COL4A5: variants seen among roughly 807,000 people sequenced by gnomAD.
COL4A5 encodes the protein collagen alpha-5(IV) chain.
A neutral mutation model predicts 130.2 loss-of-function variants in COL4A5; 26 were observed. The ratio of observed to expected loss-of-function variants is 0.20; its 90% CI spans 0.15 to 0.28. The LOEUF is 0.28. Ranked by LOEUF, COL4A5 falls within the 10% of genes least tolerant of loss-of-function variation. COL4A5 has a pLI of 1.00. For missense variants in COL4A5, 1,131 were observed against 1,344.3 expected, an observed-to-expected ratio of 0.84 and a Z score of 2.48; for synonymous variants, 496 against 439.6, an observed-to-expected ratio of 1.13 and a Z score of -1.60.
Position 108,445,005 on chromosome X carries a change from G to A in COL4A5, c.81+4799G>A, listed in dbSNP as rs749228348. On this transcript the variant is annotated intron_variant, in intron 1 of 52. Coordinates refer to ENST00000328300, the MANE Select transcript of COL4A5 (RefSeq NM_033380.3). ...TTTCCTCATTGGCAAAAGGAAGGCC[G>A]TAGCACCTATCTCACATATTTTTTT... Among the ~76,000 whole-genome samples the A allele has an allele frequency of 4.0e-4, 45 of 111,414 alleles. 1 individual carries two copies. The South Asian group carries it at 0.016, about 41-fold the overall frequency.
rs777451585 is a variant in COL4A5, at chrX:108,440,226, C to T, written c.81+20C>T. The T allele has an allele frequency of 9.0e-7, 1 of 1,112,895 alleles. No homozygotes were observed. Among genetic ancestry groups the T allele is most frequent in the Admixed American group, 2.2e-5 (1 of 45,690 alleles). 91.7% of individuals were successfully genotyped at this position (1,112,895 alleles called of 1,213,427 possible). A position where few individuals can be genotyped will look rare whatever the true frequency, so the allele number is the denominator to read the frequency against. On this transcript the variant is annotated intron_variant, in intron 1 of 52. Coordinates refer to ENST00000328300, the MANE Select transcript of COL4A5 (RefSeq NM_033380.3). ...GCTGCGGTAAGTCCTTCCTCCCCTC[C>T]CCCGCGCCCATCACCGCTCTTTCAC...
chrX:108,492,636 C>T (rs181392989), intron 1 of COL4A5, among the ~76,000 whole-genome samples: 7 of 111,464 alleles, frequency 6.3e-5, no homozygotes, highest in Admixed American at 9.6e-5. Flanking sequence ...ATGGACAAAT[C>T]GAATATTGAG....
chrX:108,618,170 G>A (rs1283578985), intron 30 of COL4A5, among the ~76,000 whole-genome samples: 4 of 111,141 alleles, frequency 3.6e-5, no homozygotes, highest in Non-Finnish European at 5.7e-5. Flanking sequence ...AAATTTAGCG[G>A]AACTTTGGGA....
chrX:108,619,838 T>G (rs1407163993), intron 30 of COL4A5, among the ~76,000 whole-genome samples: 1 of 112,327 alleles, frequency 8.9e-6, no homozygotes, highest in Non-Finnish European at 1.9e-5. Flanking sequence ...TGCAATAGGA[T>G]TAATACAAAT....
chrX:108,547,543 C>G (rs1010784856), intron 2 of COL4A5, among the ~76,000 whole-genome samples: 1 of 112,086 alleles, frequency 8.9e-6, no homozygotes, highest in Non-Finnish European at 1.9e-5. Flanking sequence ...CCCAGTTAGG[C>G]TACTCAGGGG....
intron 25 of COL4A5, 129 bp downstream of exon 25, chrX:108,598,999 A>G: frequency 1.6e-6 from 1 of 610,883 alleles, no homozygotes; most frequent in Admixed American, 3.4e-5. Context: ...TCTTCAGAGC[A>G]TCTTAGCAAG....
At chrX:108,543,854 C>T (rs1188425472) in intron 2 of COL4A5, among the ~76,000 whole-genome samples, 2 of 111,493 alleles carry the variant, frequency 1.8e-5, no homozygotes, top group Non-Finnish European at 3.8e-5. Flanking sequence ...CTAGGTGTTT[C>T]ATTCTCTTTG....
At chrX:108,482,476 T>C (rs954435341) in intron 1 of COL4A5, among the ~76,000 whole-genome samples, 4 of 111,248 alleles carry the variant, frequency 3.6e-5, no homozygotes, top group African/African-American at 1.3e-4. Flanking sequence ...AGGGAGGGGA[T>C]GTTGCCACTA....
At chrX:108,636,350 C>G (rs2067354608) in intron 36 of COL4A5, among the ~76,000 whole-genome samples, 1 of 110,154 alleles carries the variant, frequency 9.1e-6, no homozygotes, top group Non-Finnish European at 1.9e-5. Context: ...GCACAAACAA[C>G]TAAAGGAAAA....
At chrX:108,680,808 A>G in intron 45 of COL4A5, 57 bp downstream of exon 45, 1 of 1,183,773 alleles carries the variant, frequency 8.4e-7, no homozygotes, top group Admixed American at 2.2e-5. Context: ...GGGACAAGAT[A>G]GCCATTTTCT....
intron 1 of COL4A5, among the ~76,000 whole-genome samples, chrX:108,444,038 ATTTG>A (rs1372066906): frequency 9.0e-6 from 1 of 111,141 alleles, no homozygotes; most frequent in East Asian, 2.8e-4. Context: ...CTTAATGAAT[ATTTG>A]TTTTATTCTA....
chrX:108,613,043 A>G (rs1453092535), intron 29 of COL4A5, among the ~76,000 whole-genome samples: 1 of 112,069 alleles, frequency 8.9e-6, no homozygotes, highest in African/African-American at 3.2e-5. Flanking sequence ...AATATAAAGC[A>G]ATTGGACATC....
chrX:108,628,137 T>G (rs1394005793), intron 36 of COL4A5, among the ~76,000 whole-genome samples: 7 of 110,689 alleles, frequency 6.3e-5, no homozygotes, highest in Non-Finnish European at 1.3e-4. Context: ...ATATAGTATT[T>G]TTATGGGGGT....
At chrX:108,569,673 GTTTGTTT>G (rs995901824) in intron 6 of COL4A5, among the ~76,000 whole-genome samples, 169 of 110,140 alleles carry the variant, frequency 1.5e-3, no homozygotes, top group African/African-American at 5.1e-3. Flanking sequence ...CTTTGTTTTT[GTTTGTTT>G]TTTGTTTTTT....
rs149301668 is a variant in COL4A5 at position 108,578,082 on chromosome X, A to G, written c.650A>G (p.Asn217Ser). The change falls in exon 12 of 53, where the codon AAT becomes AGT. Residue 217 changes from asparagine to serine, a missense_variant. Coordinates refer to ENST00000328300, the MANE Select transcript of COL4A5 (RefSeq NM_033380.3). The stretch of plus-strand genomic sequence containing the variant: ...AATGGAAACTTCTCTCTCCAGGGGA[A>G]TATGGGCTTAAATTTCCAGGGACCC... ...GPPGLPGPKG[N>S]MGLNFQGPKG... 3 of 1,210,430 alleles carry G rather than the reference A, an allele frequency of 2.5e-6. No individual in the cohort carries two copies. The highest frequency in any genetic ancestry group is 3.4e-6 in the Non-Finnish European group (3 of 894,539).
At chrX:108,477,069 G>A (rs969952077) in intron 1 of COL4A5, among the ~76,000 whole-genome samples, 3 of 111,454 alleles carry the variant, frequency 2.7e-5, no homozygotes, top group Admixed American at 9.5e-5. Flanking sequence ...CTTTATATTC[G>A]CTGGCAGCTA....
At chrX:108,572,983 G>T (rs892397690) in intron 8 of COL4A5, among the ~76,000 whole-genome samples, 2 of 111,026 alleles carry the variant, frequency 1.8e-5, no homozygotes, top group African/African-American at 3.3e-5. Context: ...AGGGTCTTTT[G>T]TATATATGGT....
intron 1 of COL4A5, among the ~76,000 whole-genome samples, chrX:108,449,047 A>G (rs1778570415): frequency 9.0e-6 from 1 of 111,689 alleles, no homozygotes; most frequent in South Asian, 3.7e-4. Context: ...CACCCTGAAA[A>G]CACCTCTTAT....
rs28548454 is a variant in COL4A5, at chrX:108,624,068, G to A, written c.2918-168G>A. ...TTTCTTGATGGTAGGTAACTAAAAAGTGAAGGATTTTCGTGTGAGTCCAGT... is the reference window on the plus strand; with the variant it reads ...TTTCTTGATGGTAGGTAACTAAAAAATGAAGGATTTTCGTGTGAGTCCAGT... On this transcript the variant is annotated intron_variant, in intron 33 of 52. Coordinates refer to ENST00000328300, the MANE Select transcript of COL4A5 (RefSeq NM_033380.3). Among the ~76,000 whole-genome samples the A allele has an allele frequency of 0.1, 11,718 of 112,030 alleles. 1,301 individuals are homozygous for A. Among genetic ancestry groups the A allele is most frequent in the African/African-American group, 0.34 (10,342 of 30,669 alleles).
Sources: gnomAD v4.1 joint callset for allele counts (sites outside exome capture counted in the v4.1 genomes callset) on GRCh38, gnomAD v4.1.1 for gene constraint, MANE v1.5 for transcripts, NCBI Gene and HGNC (gene_info 2026-07-23, HGNC 2026-07-21) for gene names.